LYSMD4: variants seen among roughly 807,000 people sequenced by gnomAD.
LYSMD4 encodes the protein lysM and putative peptidoglycan-binding domain-containing protein 4.
LYSMD4 carries 9 observed loss-of-function variants against 6.1 expected under a neutral mutation model. The observed-to-expected ratio is 1.47, with a 90% CI of 0.88 to 2.56. LYSMD4 has a LOEUF of 2.56. Ranked by LOEUF, LYSMD4 falls within the 30% of genes most tolerant of loss-of-function variation. The probability of loss-of-function intolerance (pLI) is 0.00; values close to 1 mark genes in which losing one functional copy is unlikely to be tolerated. For synonymous variants in LYSMD4, 143 were observed against 148.5 expected (o/e 0.96, Z 0.27); for missense variants, 384 against 373.5 (o/e 1.03, Z -0.23).
chr15:99,724,924 G>A (rs1016968671), downstream of LYSMD4, among the ~76,000 whole-genome samples: 19 of 152,274 alleles, frequency 1.2e-4, no homozygotes, highest in African/African-American at 2.4e-4. Flanking sequence ...TGTGACTGGC[G>A]GTGCAGGAGC....
intron 2 of LYSMD4, 144 bp from the exon 3 acceptor site, chr15:99,729,875 TAC>T: frequency 9.8e-7 from 1 of 1,019,736 alleles, no homozygotes. Flanking sequence ...ACTGCAGCTG[TAC>T]ACAAAGTTAG....
At chr15:99,726,199 C>T (rs2059280689), downstream of LYSMD4, among the ~76,000 whole-genome samples, 1 of 126,492 alleles carries the variant, frequency 7.9e-6, no homozygotes, top group Non-Finnish European at 1.6e-5. Flanking sequence ...TCTCCCAGAT[C>T]TCGGCCCGAT....
At chr15:99,716,581 C>G (rs1265175404) in exon 1 of LYSMD4, 1 of 456,728 alleles carries the variant, frequency 2.2e-6, no homozygotes, top group Non-Finnish European at 4.4e-6. Context: ...TTTTTCATTC[C>G]TTTCACGAAG....
chr15:99,729,043 C>A lies in LYSMD4; in HGVS notation c.*80G>T. 6.4e-7 allele frequency: 1 copy of A among 1,567,088 alleles called. No individual in the cohort carries two copies. Among genetic ancestry groups the A allele is most frequent in the South Asian group, 1.2e-5 (1 of 83,760 alleles). Reference sequence around the variant, plus strand: ...CCTTCCCCGGAAGCAAAATGCAGCACCCCTAGGACATCGCCAGTGACAGCT... The same window carrying A: ...CCTTCCCCGGAAGCAAAATGCAGCAACCCTAGGACATCGCCAGTGACAGCT... On this transcript the variant is annotated 3_prime_UTR_variant, in exon 3 of 3. Coordinates refer to ENST00000684762, the MANE Select transcript of LYSMD4 (RefSeq NM_001284417.2).
At chr15:99,724,205 T>C (rs1384354098), downstream of LYSMD4, among the ~76,000 whole-genome samples, 1 of 148,630 alleles carries the variant, frequency 6.7e-6, no homozygotes, top group East Asian at 1.9e-4. Context: ...TATTTCCCTC[T>C]GTGGGCCATC....
upstream of LYSMD4, chr15:99,717,829 A>G (rs7183836): frequency 0.24 from 36,613 of 152,170 alleles, 5,220 homozygotes; most frequent in African/African-American, 0.39. Context: ...GCAGCTGTGG[A>G]AGAAAGAAAG....
exon 1 of LYSMD4, chr15:99,717,633 G>GCAGCCC (rs2059198079): frequency 6.6e-6 from 1 of 152,300 alleles, no homozygotes; most frequent in South Asian, 2.1e-4. Flanking sequence ...CTCTTCCCAG[G>GCAGCCC]CAGCCCCAGC....
chr15:99,729,380 C>T lies in LYSMD4; in HGVS notation c.634G>A (p.Ala212Thr), dbSNP rs367989718. 1.6e-5 allele frequency: 26 copies of T among 1,614,242 alleles called. No homozygotes were observed. In the African/African-American group the frequency reaches 2.9e-4, roughly 18 times the overall value. The change falls in exon 3 of 3, where the codon GCA becomes ACA. Residue 212 changes from alanine to threonine, a missense_variant. Ala to Thr is a moderately conservative substitution (Grantham distance 58). Transcript: ENST00000684762. ...TTCCACCACTGAATGCCACAATCTGCACCATCCATAGGCGTCTTCGGAGGT... is the reference window on the plus strand; with the variant it reads ...TTCCACCACTGAATGCCACAATCTGTACCATCCATAGGCGTCTTCGGAGGT... ...PAPPKTPMDG[A>T]DCGIQWWNAV...
chr15:99,731,754 G>C lies in LYSMD4; in HGVS notation c.246C>G (p.Asp82Glu). The C allele has an allele frequency of 6.2e-7, 1 of 1,607,392 alleles. No homozygotes were observed. Residue 82 changes from aspartate to glutamate, a missense_variant, in exon 2 of 3, where the codon GAC (aspartate) becomes GAG (glutamate). Physicochemically the swap from Asp to Glu is conservative, Grantham distance 45. Transcript: ENST00000684762. ...ACTGCAGCGCCAGCTTGTTGAGGCT[G>C]TCCTCCTGGGCCAGCTCCCGCTGCA... is the stretch of plus-strand genomic sequence containing the variant. ...VLLQRELAQEDSLNKLALQYG... is the reference protein window; with the variant it reads ...VLLQRELAQEESLNKLALQYG...
At chr15:99,732,062 G>T in intron 1 of LYSMD4, 55 bp from the exon 2 acceptor site, 1 of 1,478,712 alleles carries the variant, frequency 6.8e-7, no homozygotes, top group Non-Finnish European at 9.1e-7. Flanking sequence ...TCCCTCCACC[G>T]CCTCGTTTAA....
At chr15:99,733,100 G>T (rs1054909839) in intron 1 of LYSMD4, 1 of 360,922 alleles carries the variant, frequency 2.8e-6, no homozygotes, top group Non-Finnish European at 5.0e-6. Context: ...AGGGCTCCAC[G>T]GCTCCACGGG....
In LYSMD4 at chr15:99,731,709, G is replaced by T. The variant is rs1435414104; in HGVS notation, c.282+9C>A. On this transcript the variant is annotated intron_variant, in intron 2 of 2. Transcript: ENST00000684762. ...CGGAGCGGGGCAGGGCCCCTGAGGG[G>T]TGTCTTACTTTGCAGCCATACTGCA... 1.5e-5 allele frequency: 24 copies of T among 1,578,664 alleles called. No homozygotes were observed. Among genetic ancestry groups the T allele is most frequent in the Non-Finnish European group, 2.0e-5 (23 of 1,163,440 alleles).
intron 1 of LYSMD4, chr15:99,732,982 CA>C: frequency 5.7e-6 from 1 of 176,650 alleles, no homozygotes; most frequent in East Asian, 1.2e-4. Flanking sequence ...CGTCCGAGCT[CA>C]GGGGCGGCGG....
downstream of LYSMD4, among the ~76,000 whole-genome samples, chr15:99,725,954 C>G (rs746581975): frequency 1.3e-5 from 2 of 152,024 alleles, no homozygotes; most frequent in Non-Finnish European, 2.9e-5. Context: ...GTGCCTGCGT[C>G]GTAGGGAGGT....
downstream of LYSMD4, among the ~76,000 whole-genome samples, chr15:99,724,599 C>T (rs2059262969): frequency 6.6e-6 from 1 of 152,278 alleles, no homozygotes; most frequent in African/African-American, 2.4e-5. Context: ...GTTATAAGCA[C>T]CTTGAGGACA....
upstream of LYSMD4, among the ~76,000 whole-genome samples, chr15:99,718,921 A>G (rs200052164): frequency 0.4 from 59,690 of 148,632 alleles, 14,251 homozygotes; most frequent in Non-Finnish European, 0.53. Flanking sequence ...ACACACACAC[A>G]CACACACACA....
intron 2 of LYSMD4, chr15:99,731,177 C>T: frequency 6.2e-7 from 1 of 1,612,372 alleles, no homozygotes; most frequent in Non-Finnish European, 8.5e-7. Flanking sequence ...ACTTACTTTG[C>T]CATTGTTAAT....
At chr15:99,731,368 C>T (rs1368878501) in intron 2 of LYSMD4, 2 of 1,612,810 alleles carry the variant, frequency 1.2e-6, no homozygotes, top group Non-Finnish European at 8.5e-7. Flanking sequence ...CATAGAAATC[C>T]GGAATTAAAT....
Position 99,727,529 on chromosome 15 carries a change from G to A in LYSMD4, c.*1594C>T, listed in dbSNP as rs887762775. ...GCCTGGTGAAGTGACAGTGACAGAT[G>A]TTAGAGGAACCTGTGGCCCTCAGTG... is the stretch of plus-strand genomic sequence containing the variant. On this transcript the variant is annotated 3_prime_UTR_variant, in exon 3 of 3. Transcript: ENST00000684762. 15 of 152,232 alleles carry A rather than the reference G, an allele frequency of 9.9e-5. No homozygotes were observed. The highest frequency in any genetic ancestry group is 3.6e-4 in the African/African-American group (15 of 41,442). The allele number at this position is 152,232 out of a possible 1,614,324, so 9.4% of individuals were successfully genotyped here. A position where few individuals can be genotyped will look rare whatever the true frequency, so the allele number is the denominator to read the frequency against.
Sources: allele counts gnomAD v4.1 joint callset (sites outside exome capture counted in the v4.1 genomes callset), GRCh38; gene constraint gnomAD v4.1.1; transcripts MANE v1.5; gene names NCBI Gene and HGNC (gene_info 2026-07-23, HGNC 2026-07-21).